PRSS12: variants seen among roughly 807,000 people sequenced by gnomAD.
PRSS12 encodes the protein serine protease 12.
PRSS12 carries 85 observed loss-of-function variants against 104.4 expected under a neutral mutation model. That is an observed-to-expected ratio of 0.81 (90% CI 0.68 to 0.98). The LOEUF is 0.98. Among genes scored for constraint, PRSS12 ranks in the 50% least tolerant of loss-of-function variants. The pLI is 0.00. For missense variants in PRSS12, 1,141 were observed against 1,139.2 expected, an observed-to-expected ratio of 1.00 and a Z score of -0.02; for synonymous variants, 454 against 425.2, an observed-to-expected ratio of 1.07 and a Z score of -0.83.
intron 11 of PRSS12, among the ~76,000 whole-genome samples, chr4:118,290,201 A>G (rs545552814): frequency 5.3e-5 from 8 of 152,194 alleles, no homozygotes. Context: ...AGAAATAATG[A>G]CATGTAAACA....
intron 8 of PRSS12, among the ~76,000 whole-genome samples, chr4:118,308,160 C>T (rs1331509907): frequency 6.6e-6 from 1 of 152,148 alleles, no homozygotes; most frequent in Non-Finnish European, 1.5e-5. Flanking sequence ...GAAGCTGATA[C>T]AAGCTGTATT....
chr4:118,317,098 T>C (rs1425690773), intron 5 of PRSS12, among the ~76,000 whole-genome samples: 1 of 151,870 alleles, frequency 6.6e-6, no homozygotes, highest in Admixed American at 6.6e-5. Context: ...AGAAAAAAAC[T>C]ATTCTGGATA....
chr4:118,338,114 G>A (rs1724106379), intron 2 of PRSS12, 62 bp downstream of exon 2: 42 of 1,595,152 alleles, frequency 2.6e-5, no homozygotes, highest in Admixed American at 1.3e-4. Context: ...AAGCAATGAC[G>A]GGCACCCAGC....
chr4:118,352,328 T>C lies in PRSS12; in HGVS notation c.393A>G (p.Arg131=). ...RSPPASWAQL[R]GQRHNFCRSP... ...TCCGACAAAAGTTGTGGCGCTGTCC[T>C]CGCAGCTGAGCCCAGCTCGCTGGGG... The change falls in exon 1 of 13, where the codon CGA becomes CGG. Residue 131 remains arginine (R), a synonymous_variant. Transcript: ENST00000296498. 5.7e-6 allele frequency: 9 copies of C among 1,590,080 alleles called. No homozygotes were observed. Among genetic ancestry groups the C allele is most frequent in the Non-Finnish European group, 7.7e-6 (9 of 1,172,302 alleles).
At chr4:118,322,652 G>T (rs895390601) in intron 4 of PRSS12, among the ~76,000 whole-genome samples, 1 of 151,094 alleles carries the variant, frequency 6.6e-6, no homozygotes, top group Non-Finnish European at 1.5e-5. Flanking sequence ...CCCACAATTT[G>T]GGGATGGAGG....
intron 11 of PRSS12, among the ~76,000 whole-genome samples, chr4:118,294,393 G>C (rs1365819131): frequency 2.6e-5 from 4 of 152,130 alleles, no homozygotes; most frequent in Admixed American, 1.3e-4. Flanking sequence ...CATGAGCTCC[G>C]TGACTCTGGT....
chr4:118,323,964 A>G (rs1476164033), intron 4 of PRSS12, among the ~76,000 whole-genome samples: 1 of 151,958 alleles, frequency 6.6e-6, no homozygotes, highest in Non-Finnish European at 1.5e-5. Flanking sequence ...CAGTGGGACA[A>G]TCTTGGGTCA....
intron 11 of PRSS12, among the ~76,000 whole-genome samples, chr4:118,291,690 G>T (rs1304692443): frequency 6.6e-6 from 1 of 152,020 alleles, no homozygotes; most frequent in East Asian, 1.9e-4. Context: ...TTTTCTCCCT[G>T]ACAGTTGCTT....
intron 4 of PRSS12, among the ~76,000 whole-genome samples, chr4:118,327,494 A>T (rs1723805709): frequency 6.6e-6 from 1 of 152,192 alleles, no homozygotes; most frequent in South Asian, 2.1e-4. Context: ...AAGAATTTGT[A>T]TTCTACTACT....
At chr4:118,337,800 T>A (rs1188211560) in intron 2 of PRSS12, among the ~76,000 whole-genome samples, 1 of 151,950 alleles carries the variant, frequency 6.6e-6, no homozygotes, top group East Asian at 1.9e-4. Context: ...TTAGAATAAT[T>A]ATAATTAATT....
intron 1 of PRSS12, among the ~76,000 whole-genome samples, chr4:118,348,406 C>T (rs537460395): frequency 2.6e-5 from 4 of 152,282 alleles, no homozygotes; most frequent in African/African-American, 7.2e-5. Flanking sequence ...TACCACTATA[C>T]ATTTTAGGTG....
intron 11 of PRSS12, among the ~76,000 whole-genome samples, chr4:118,294,040 A>T (rs1056621597): frequency 1.3e-5 from 2 of 152,238 alleles, no homozygotes; most frequent in African/African-American, 4.8e-5. Flanking sequence ...TGAATGAACA[A>T]ATCTGCATGG....
At position 118,313,217 on chromosome 4, in the gene PRSS12, T is replaced by A; in HGVS notation, c.1473A>T (p.Gly491=). ...AGTCCTCACCCAGAGAGAGCCTGTG[T>A]CCCTCGCCGCCAGGGTAGCAGGCAA... The part of the protein sequence containing the change: ...VSIACYPGGE[G]HRLSLGFPVR... The change falls in exon 7 of 13, where the codon GGA becomes GGT. Residue 491 remains glycine, a synonymous_variant. Coordinates refer to ENST00000296498, the MANE Select transcript of PRSS12 (RefSeq NM_003619.4). 3 of 1,613,492 alleles carry A rather than the reference T, an allele frequency of 1.9e-6. No homozygotes were observed. Among genetic ancestry groups the A allele is most frequent in the South Asian group, 1.1e-5 (1 of 91,036 alleles).
chr4:118,321,295 G>A lies in PRSS12; in HGVS notation c.972-2739C>T, dbSNP rs576547632. On this transcript the variant is annotated intron_variant, in intron 4 of 12. Transcript: ENST00000296498. The stretch of plus-strand genomic sequence containing the variant: ...ATTGTTCTAAATAAAGTTTTCAGCT[G>A]TTTCAAAGTATGTCTATATGCCTAG... Among the ~76,000 whole-genome samples, 6 of 152,282 alleles carry A rather than the reference G, an allele frequency of 3.9e-5. No homozygotes were observed. The East Asian group carries it at 1.2e-3, about 29-fold the overall frequency.
At position 118,280,926 on chromosome 4, in the gene PRSS12, CAG is replaced by C. The variant is rs1471963090; in HGVS notation, c.*1008_*1009del. Reference sequence around the variant, plus strand: ...GATTTACTGGCCTTTTGCAAATTGTCAGTGATGTGCAAAGCTGCCTAATGCAG... The same window carrying C: ...GATTTACTGGCCTTTTGCAAATTGTCTGATGTGCAAAGCTGCCTAATGCAG... On this transcript the variant is annotated 3_prime_UTR_variant, in exon 13 of 13. Coordinates refer to ENST00000296498, the MANE Select transcript of PRSS12 (RefSeq NM_003619.4). 6.6e-6 allele frequency: 1 copy of C among 152,216 alleles called. No individual in the cohort carries two copies. Among genetic ancestry groups the C allele is most frequent in the African/African-American group, 2.4e-5 (1 of 41,436 alleles). The allele number at this position is 152,216 out of a possible 1,614,324, so 9.4% of individuals were successfully genotyped here.
At chr4:118,298,705 T>C (rs1469807071) in intron 9 of PRSS12, 28 bp downstream of exon 9, 1 of 1,602,320 alleles carries the variant, frequency 6.2e-7, no homozygotes. Context: ...ATTCCTTGAC[T>C]TGTTTAGGGC....
chr4:118,309,579 C>T (rs1249196180), intron 7 of PRSS12, among the ~76,000 whole-genome samples: 2 of 152,108 alleles, frequency 1.3e-5, no homozygotes, highest in Non-Finnish European at 2.9e-5. Context: ...AAACAATAAA[C>T]ATCTGTGTTT....
At chr4:118,311,597 G>T (rs1743730325) in intron 7 of PRSS12, among the ~76,000 whole-genome samples, 1 of 152,050 alleles carries the variant, frequency 6.6e-6, no homozygotes, top group Admixed American at 6.6e-5. Context: ...TATCCCAAAA[G>T]GATATTTGGC....
intron 1 of PRSS12, among the ~76,000 whole-genome samples, chr4:118,341,535 G>A (rs542427302): frequency 6.6e-6 from 1 of 151,966 alleles, no homozygotes; most frequent in East Asian, 1.9e-4. Flanking sequence ...ATACAAAATT[G>A]GCCAGGCATG....
Sources: gnomAD v4.1 joint callset for allele counts (sites outside exome capture counted in the v4.1 genomes callset) on GRCh38, gnomAD v4.1.1 for gene constraint, MANE v1.5 for transcripts, NCBI Gene and HGNC (gene_info 2026-07-23, HGNC 2026-07-21) for gene names.